Variants in PTPRK observed in about 807,000 individuals in gnomAD.
PTPRK encodes the protein receptor-type tyrosine-protein phosphatase kappa.
In PTPRK, 75 loss-of-function variants were observed where a neutral mutation model predicts 178.0. The observed-to-expected ratio is 0.42, with a 90% CI of 0.35 to 0.51. The LOEUF (loss-of-function observed/expected upper bound fraction) is 0.51. PTPRK is among the 20% of genes least tolerant of loss of function. PTPRK has a pLI of 0.02. For missense variants in PTPRK, 1,441 were observed against 1,797.8 expected (o/e 0.80, Z 3.59); for synonymous variants, 637 against 620.6 (o/e 1.03, Z -0.39).
chr6:128,249,015 G>A (rs1267548409), intron 3 of PTPRK, among the ~76,000 whole-genome samples: 1 of 152,024 alleles, frequency 6.6e-6, no homozygotes, highest in African/African-American at 2.4e-5. Flanking sequence ...TTTTTTTATA[G>A]TAAGAGGAAA....
intron 3 of PTPRK, among the ~76,000 whole-genome samples, chr6:128,265,298 T>C (rs1220545698): frequency 1.3e-5 from 2 of 152,134 alleles, no homozygotes; most frequent in African/African-American, 4.8e-5. Flanking sequence ...AGGTGGCAAA[T>C]ATACATACAT....
chr6:128,480,487 C>T (rs1851937051), intron 1 of PTPRK, among the ~76,000 whole-genome samples: 1 of 152,112 alleles, frequency 6.6e-6, no homozygotes, highest in African/African-American at 2.4e-5. Context: ...TCTCCGTGCT[C>T]TATCCATTCC....
At chr6:128,131,238 G>C (rs1794187010) in intron 7 of PTPRK, among the ~76,000 whole-genome samples, 1 of 152,168 alleles carries the variant, frequency 6.6e-6, no homozygotes, top group Non-Finnish European at 1.5e-5. Flanking sequence ...GGAAGATAAA[G>C]AAGCAATTGT....
rs189927772 is a variant in PTPRK, at chr6:128,435,779, A to G, written c.101-38091T>C. Among the ~76,000 whole-genome samples, 16 of 152,322 alleles carry G rather than the reference A, an allele frequency of 1.1e-4. No homozygotes were observed. In the East Asian group the frequency reaches 3.1e-3, roughly 29 times the overall value. Reference sequence around the variant, plus strand: ...AGCTTGGCCCTGGGTGAAGCTAGACAAAAAATTTCAGAAAAGCCCCAACTC... The same window carrying G: ...AGCTTGGCCCTGGGTGAAGCTAGACGAAAAATTTCAGAAAAGCCCCAACTC... On this transcript the variant is annotated intron_variant, in intron 1 of 29. Coordinates refer to ENST00000368226, the MANE Select transcript of PTPRK (RefSeq NM_002844.4).
intron 2 of PTPRK, among the ~76,000 whole-genome samples, chr6:128,344,723 C>G (rs1832173535): frequency 6.6e-6 from 1 of 151,804 alleles, no homozygotes; most frequent in African/African-American, 2.4e-5. Context: ...TGTCATTTGC[C>G]CAGGCTGGTT....
chr6:128,024,633 A>G (rs1202749946), intron 13 of PTPRK, among the ~76,000 whole-genome samples: 1 of 151,886 alleles, frequency 6.6e-6, no homozygotes, highest in Non-Finnish European at 1.5e-5. Flanking sequence ...ACATGGTGAA[A>G]CCCCATCTCT....
intron 1 of PTPRK, among the ~76,000 whole-genome samples, chr6:128,456,156 C>T (rs1848363280): frequency 6.6e-6 from 1 of 152,008 alleles, no homozygotes; most frequent in African/African-American, 2.4e-5. Context: ...ATCATCGATA[C>T]TCTGAAAATC....
In PTPRK at chr6:128,407,653, A is replaced by AAAG. The variant is rs1299174509; in HGVS notation, c.101-9968_101-9966dup. Among the ~76,000 whole-genome samples the AAAG allele has an allele frequency of 4.7e-4, 70 of 147,710 alleles. 1 individual carries two copies. Among genetic ancestry groups the AAAG allele is most frequent in the Middle Eastern group, 3.4e-3 (1 of 290 alleles). Reference sequence around the variant, plus strand: ...CCTATCAAAAAAAAAAAAAAAAAAAAAAGAAGAAGAAGAAGAAGAAGAAAG... The same window carrying AAAG: ...CCTATCAAAAAAAAAAAAAAAAAAAAAAGAAGAAGAAGAAGAAGAAGAAGAAAG... On this transcript the variant is annotated intron_variant, in intron 1 of 29. Transcript: ENST00000368226.
chr6:128,084,474 C>A (rs1346747061), intron 8 of PTPRK, among the ~76,000 whole-genome samples: 1 of 152,140 alleles, frequency 6.6e-6, no homozygotes, highest in African/African-American at 2.4e-5. Context: ...AGGAAATTCA[C>A]TTATTCAAAG....
intron 17 of PTPRK, among the ~76,000 whole-genome samples, chr6:127,995,956 T>G (rs1023676582): frequency 5.9e-5 from 9 of 152,268 alleles, no homozygotes; most frequent in African/African-American, 2.2e-4. Flanking sequence ...TCTCAGTTTC[T>G]TACTCCCTGA....
intron 1 of PTPRK, among the ~76,000 whole-genome samples, chr6:128,400,086 G>A (rs1326724056): frequency 6.6e-6 from 1 of 152,044 alleles, no homozygotes; most frequent in East Asian, 1.9e-4. Flanking sequence ...GTAGATGATA[G>A]GAAATGCAAA....
At chr6:128,288,862 C>G (rs1382386180) in intron 3 of PTPRK, among the ~76,000 whole-genome samples, 1 of 152,034 alleles carries the variant, frequency 6.6e-6, no homozygotes, top group Non-Finnish European at 1.5e-5. Flanking sequence ...CACTTTAGCA[C>G]TTTTAAATTT....
chr6:128,202,057 A>C (rs1424330796), intron 6 of PTPRK, among the ~76,000 whole-genome samples: 1 of 152,188 alleles, frequency 6.6e-6, no homozygotes, highest in African/African-American at 2.4e-5. Flanking sequence ...TGGAAAATGG[A>C]CGAATAAAAG....
chr6:128,066,134 C>T (rs990705590), intron 12 of PTPRK, among the ~76,000 whole-genome samples: 5 of 152,186 alleles, frequency 3.3e-5, no homozygotes, highest in Non-Finnish European at 5.9e-5. Context: ...AACCCTCACA[C>T]AAAACTATGC....
intron 15 of PTPRK, chr6:128,000,053 T>C (rs1777622012): frequency 5.2e-6 from 5 of 968,480 alleles, no homozygotes; most frequent in Non-Finnish European, 4.9e-6. Context: ...AGCATGCTCA[T>C]ATTTATCACA....
chr6:128,470,775 G>A (rs755511414), intron 1 of PTPRK, among the ~76,000 whole-genome samples: 13 of 136,712 alleles, frequency 9.5e-5, no homozygotes, highest in Non-Finnish European at 1.5e-4. Context: ...TTTTTTAATG[G>A]CTAAGAAGCC....
intron 14 of PTPRK, chr6:128,008,125 T>A: frequency 8.2e-7 from 1 of 1,215,542 alleles, no homozygotes; most frequent in Non-Finnish European, 1.1e-6. Flanking sequence ...TATATTAAAA[T>A]AAACTCTGAT....
intron 7 of PTPRK, among the ~76,000 whole-genome samples, chr6:128,179,952 G>C (rs1371829246): frequency 6.6e-6 from 1 of 151,926 alleles, no homozygotes; most frequent in African/African-American, 2.4e-5. Flanking sequence ...CTGCTTCATA[G>C]ATCTAACTGT....
At chr6:128,458,808 A>T (rs980986756) in intron 1 of PTPRK, among the ~76,000 whole-genome samples, 1 of 152,214 alleles carries the variant, frequency 6.6e-6, no homozygotes, top group African/African-American at 2.4e-5. Context: ...TTTTCAGTGT[A>T]TTTGTTTGCT....
Sources: gnomAD v4.1 joint callset for allele counts (sites outside exome capture counted in the v4.1 genomes callset) on GRCh38, gnomAD v4.1.1 for gene constraint, MANE v1.5 for transcripts, NCBI Gene and HGNC (gene_info 2026-07-23, HGNC 2026-07-21) for gene names.